Variants in IP6K1 observed in about 807,000 individuals in gnomAD.
IP6K1 encodes the protein ATP:1D-myo-inositol-hexakisphosphate phosphotransferase.
IP6K1 carries 13 observed loss-of-function variants against 38.3 expected under a neutral mutation model. That is an observed-to-expected ratio of 0.34 (90% CI 0.22 to 0.54). IP6K1 has a LOEUF of 0.54. Among genes scored for constraint, IP6K1 ranks in the 20% least tolerant of loss-of-function variants. The pLI is 0.92. For synonymous variants in IP6K1, 212 were observed against 229.9 expected (o/e 0.92, Z 0.70); for missense variants, 397 against 599.8 (o/e 0.66, Z 3.53).
intron 3 of IP6K1, among the ~76,000 whole-genome samples, chr3:49,737,689 A>T (rs1224474126): frequency 6.6e-6 from 1 of 152,200 alleles, no homozygotes; most frequent in Non-Finnish European, 1.5e-5. Context: ...CAAAACAAAC[A>T]AAAAAACATA....
chr3:49,732,720 G>T, intron 4 of IP6K1, 71 bp downstream of exon 4: 1 of 1,316,868 alleles, frequency 7.6e-7, no homozygotes, highest in Non-Finnish European at 1.0e-6. Context: ...CTCAGCCATA[G>T]GCAGAATGGT....
At chr3:49,756,102 G>T (rs1373712420) in intron 1 of IP6K1, among the ~76,000 whole-genome samples, 1 of 152,162 alleles carries the variant, frequency 6.6e-6, no homozygotes, top group African/African-American at 2.4e-5. Context: ...AAGAAAGAGA[G>T]GGAATCTATG....
chr3:49,735,583 G>A (rs1210499581), intron 3 of IP6K1, among the ~76,000 whole-genome samples: 1 of 152,190 alleles, frequency 6.6e-6, no homozygotes, highest in Non-Finnish European at 1.5e-5. Context: ...GACATTTGAA[G>A]ACCCTGCTTA....
At chr3:49,779,536 G>C (rs2081047185) in intron 1 of IP6K1, among the ~76,000 whole-genome samples, 1 of 152,132 alleles carries the variant, frequency 6.6e-6, no homozygotes. Flanking sequence ...CATAAAGACT[G>C]TTTTCCCAAG....
chr3:49,756,778 G>A (rs972147372), intron 1 of IP6K1, among the ~76,000 whole-genome samples: 3 of 139,694 alleles, frequency 2.1e-5, no homozygotes, highest in Non-Finnish European at 4.5e-5. Flanking sequence ...TCACGCCATT[G>A]CACTCCAGCG....
intron 1 of IP6K1, among the ~76,000 whole-genome samples, chr3:49,758,832 T>G (rs2080845874): frequency 6.6e-6 from 1 of 151,860 alleles, no homozygotes; most frequent in African/African-American, 2.4e-5. Flanking sequence ...TGGTGGCGCA[T>G]GTCTGTAATC....
chr3:49,755,351 A>G lies in IP6K1; in HGVS notation c.-128-7183T>C, dbSNP rs184183754. On this transcript the variant is annotated intron_variant, in intron 1 of 5. Coordinates refer to ENST00000321599, the MANE Select transcript of IP6K1 (RefSeq NM_153273.4). ...TTAAAAATTAGTTTATAAATCCAGT[A>G]TTTCTATTACCTCTTCTAAAATTAA... 4.6e-5 allele frequency among the ~76,000 whole-genome samples: 7 copies of G among 152,172 alleles called. No homozygotes were observed. The East Asian group carries it at 1.3e-3, about 29-fold the overall frequency.
At chr3:49,769,490 G>A (rs565418453) in intron 1 of IP6K1, among the ~76,000 whole-genome samples, 5 of 152,134 alleles carry the variant, frequency 3.3e-5, no homozygotes, top group Admixed American at 6.6e-5. Flanking sequence ...TTTTGCCAGC[G>A]ACAAATCAGG....
rs1335691344 is a variant in IP6K1 at position 49,726,849 on chromosome 3, A to G, written c.*273T>C. 1 of 458,398 alleles carries G rather than the reference A, an allele frequency of 2.2e-6. No homozygotes were observed. 28.4% of individuals were successfully genotyped at this position (458,398 alleles called of 1,614,324 possible). A position where few individuals can be genotyped will look rare whatever the true frequency, so the allele number is the denominator to read the frequency against. ...CAAGGGCACCCTGTCCCTGCTGCCA[A>G]GCCCACCAGGGGCACCTCTTCCTTC... On this transcript the variant is annotated 3_prime_UTR_variant, in exon 6 of 6. Coordinates refer to ENST00000321599, the MANE Select transcript of IP6K1 (RefSeq NM_153273.4).
chr3:49,765,978 C>T (rs2080908054), intron 1 of IP6K1, among the ~76,000 whole-genome samples: 1 of 151,834 alleles, frequency 6.6e-6, no homozygotes, highest in African/African-American at 2.4e-5. Context: ...AGATCAAGAC[C>T]ATCCTGGCTA....
chr3:49,771,527 A>C (rs911260697), intron 1 of IP6K1, among the ~76,000 whole-genome samples: 7 of 152,214 alleles, frequency 4.6e-5, no homozygotes, highest in African/African-American at 1.7e-4. Context: ...CCAAATGGCT[A>C]AAATTAAAAA....
chr3:49,751,404 C>T (rs1397852676), intron 1 of IP6K1, among the ~76,000 whole-genome samples: 1 of 152,098 alleles, frequency 6.6e-6, no homozygotes, highest in East Asian at 1.9e-4. Context: ...TCATGATCCA[C>T]CCACCTCAGC....
intron 1 of IP6K1, among the ~76,000 whole-genome samples, chr3:49,752,739 G>A (rs2080789252): frequency 2.0e-5 from 3 of 150,754 alleles, no homozygotes; most frequent in African/African-American, 4.9e-5. Context: ...TTACAGGCGT[G>A]AGCCACTGCG....
At position 49,747,976 on chromosome 3, in the gene IP6K1, C is replaced by T. The variant is rs201282630; in HGVS notation, c.65G>A (p.Arg22Gln). The T allele has an allele frequency of 4.3e-5, 69 of 1,614,020 alleles. No individual in the cohort carries two copies. The highest frequency in any genetic ancestry group is 3.6e-4 in the East Asian group (16 of 44,876). The stretch of plus-strand genomic sequence containing the variant: ...GATGAAGGGCTCCAGGAGGACTCCC[C>T]GGTCTCCAGCCCGACTTGCATTCTT... ...YGKNASRAGD[R>Q]GVLLEPFIHQ... Residue 22 changes from arginine (R) to glutamine (Q), a missense_variant, in exon 2 of 6, where the codon CGG (arginine) becomes CAG (glutamine). Arg to Gln is a conservative substitution (Grantham distance 43). Coordinates refer to ENST00000321599, the MANE Select transcript of IP6K1 (RefSeq NM_153273.4).
At chr3:49,763,396 C>T (rs1469448126) in intron 1 of IP6K1, among the ~76,000 whole-genome samples, 3 of 150,788 alleles carry the variant, frequency 2.0e-5, no homozygotes, top group South Asian at 2.1e-4. Context: ...TGAGCCACCG[C>T]GCCCGGCCAA....
At chr3:49,761,783 G>A (rs1559711670) in intron 1 of IP6K1, among the ~76,000 whole-genome samples, 3 of 151,966 alleles carry the variant, frequency 2.0e-5, no homozygotes, top group Non-Finnish European at 2.9e-5. Flanking sequence ...GAAAGACTCT[G>A]TCTCTACAGA....
chr3:49,780,507 C>T (rs183959889), intron 1 of IP6K1, among the ~76,000 whole-genome samples: 1 of 152,232 alleles, frequency 6.6e-6, no homozygotes, highest in Non-Finnish European at 1.5e-5. Context: ...GTGTACTGTG[C>T]GTCTTTCCCC....
intron 1 of IP6K1, among the ~76,000 whole-genome samples, chr3:49,773,320 C>A (rs2080975664): frequency 6.6e-6 from 1 of 152,132 alleles, no homozygotes; most frequent in Non-Finnish European, 1.5e-5. Context: ...TGTAAGATAG[C>A]CACATACTGG....
chr3:49,739,429 C>T (rs1214024504), intron 2 of IP6K1, among the ~76,000 whole-genome samples: 1 of 150,618 alleles, frequency 6.6e-6, no homozygotes, highest in Non-Finnish European at 1.5e-5. Flanking sequence ...TCTCGGCTCA[C>T]TGCAAGCTCC....
Sources: allele counts gnomAD v4.1 joint callset (sites outside exome capture counted in the v4.1 genomes callset), GRCh38; gene constraint gnomAD v4.1.1; transcripts MANE v1.5; gene names NCBI Gene and HGNC (gene_info 2026-07-23, HGNC 2026-07-21).